GABRG3: variants seen among roughly 807,000 people sequenced by gnomAD.
The protein encoded by GABRG3 is gamma-aminobutyric acid type A receptor subunit gamma3.
Under a neutral mutation model 48.8 loss-of-function variants are expected in GABRG3, and 25 were observed. The observed-to-expected ratio is 0.51, with a 90% CI of 0.37 to 0.72. GABRG3 has a LOEUF of 0.72. Among genes scored for constraint, GABRG3 ranks in the 30% least tolerant of loss-of-function variants. GABRG3 has a pLI of 0.00. For synonymous variants in GABRG3, 227 were observed against 217.6 expected, an observed-to-expected ratio of 1.04 and a Z score of -0.38; for missense variants, 394 against 577.9, an observed-to-expected ratio of 0.68 and a Z score of 3.26.
At chr15:26,997,443 T>C (rs1199974376) in intron 2 of GABRG3, among the ~76,000 whole-genome samples, 1 of 152,188 alleles carries the variant, frequency 6.6e-6, no homozygotes, top group Non-Finnish European at 1.5e-5. Context: ...TGAAAAAATA[T>C]ATAACAACTC....
chr15:27,146,434 G>A (rs1234502061), intron 3 of GABRG3, among the ~76,000 whole-genome samples: 7 of 152,278 alleles, frequency 4.6e-5, no homozygotes, highest in Admixed American at 2.6e-4. Flanking sequence ...TCCAGCCTGC[G>A]TGACACGGTG....
chr15:27,381,422 G>GGGGACTCCCCCAAGAC (rs1269451724), intron 5 of GABRG3, among the ~76,000 whole-genome samples: 12 of 152,272 alleles, frequency 7.9e-5, no homozygotes, highest in African/African-American at 2.6e-4. Context: ...ATGAAAGTAG[G>GGGGACTCCCCCAAGAC]GGGACTCCCC....
At chr15:27,123,973 G>A (rs776830282) in intron 3 of GABRG3, among the ~76,000 whole-genome samples, 3 of 152,276 alleles carry the variant, frequency 2.0e-5, no homozygotes, top group Non-Finnish European at 4.4e-5. Flanking sequence ...CCAGGCGGCC[G>A]GAGCCTTCCC....
chr15:27,325,619 T>C (rs1337366296), intron 3 of GABRG3, among the ~76,000 whole-genome samples: 12 of 152,186 alleles, frequency 7.9e-5, no homozygotes. Context: ...CCAACCTATT[T>C]ATTTAAGGCC....
intron 3 of GABRG3, among the ~76,000 whole-genome samples, chr15:27,271,357 C>T (rs915387717): frequency 1.4e-4 from 22 of 152,320 alleles, no homozygotes; most frequent in African/African-American, 3.8e-4. Flanking sequence ...CGCTGCCACC[C>T]GCACTCTGTC....
chr15:27,403,914 C>CAAAAAAAAAAAAAAAAAAAAAA (rs528760544), intron 5 of GABRG3, among the ~76,000 whole-genome samples: 1 of 68,554 alleles, frequency 1.5e-5, no homozygotes, highest in African/African-American at 5.7e-5. Context: ...CAAAAAAAAA[C>CAAAAAAAAAAAAAAAAAAAAAA]AAAAAAAAAA....
chr15:27,492,034 A>T (rs1002799715), intron 6 of GABRG3, among the ~76,000 whole-genome samples: 1 of 152,162 alleles, frequency 6.6e-6, no homozygotes, highest in Non-Finnish European at 1.5e-5. Context: ...GGTCTTTCAT[A>T]CCAAAAGCCT....
At chr15:27,488,416 G>A (rs980549223) in intron 6 of GABRG3, among the ~76,000 whole-genome samples, 2 of 152,140 alleles carry the variant, frequency 1.3e-5, no homozygotes, top group African/African-American at 4.8e-5. Flanking sequence ...TTAAATTCCA[G>A]GCCTGCACTC....
At chr15:27,334,771 A>G (rs1893909746) in intron 5 of GABRG3, among the ~76,000 whole-genome samples, 1 of 152,220 alleles carries the variant, frequency 6.6e-6, no homozygotes, top group South Asian at 2.1e-4. Flanking sequence ...AAGTCAACAT[A>G]AAAACACAAT....
At chr15:27,413,653 T>C (rs546258969) in intron 5 of GABRG3, among the ~76,000 whole-genome samples, 68 of 152,292 alleles carry the variant, frequency 4.5e-4, no homozygotes, top group Non-Finnish European at 8.4e-4. Flanking sequence ...TAAGTTGTGG[T>C]TGATTTTAAG....
intron 5 of GABRG3, among the ~76,000 whole-genome samples, chr15:27,470,684 A>G (rs1165019716): frequency 6.6e-6 from 1 of 151,872 alleles, no homozygotes; most frequent in African/African-American, 2.4e-5. Context: ...TTTTCCTGTT[A>G]CATATTAACT....
intron 3 of GABRG3, among the ~76,000 whole-genome samples, chr15:27,064,798 G>C (rs1896709940): frequency 6.6e-6 from 1 of 152,176 alleles, no homozygotes; most frequent in African/African-American, 2.4e-5. Flanking sequence ...CATCCCGTGT[G>C]TTAGCAATAC....
chr15:27,005,347 C>A (rs997919814), intron 2 of GABRG3, among the ~76,000 whole-genome samples: 1 of 152,102 alleles, frequency 6.6e-6, no homozygotes, highest in African/African-American at 2.4e-5. Flanking sequence ...ACTACAGGAG[C>A]AGGCCACCAC....
At chr15:27,298,247 GAAAGT>G (rs1012554484) in intron 3 of GABRG3, among the ~76,000 whole-genome samples, 19 of 152,188 alleles carry the variant, frequency 1.2e-4, no homozygotes, top group African/African-American at 4.1e-4. Context: ...AATCTAGGCT[GAAAGT>G]AAAGGATGAA....
chr15:27,421,852 T>C (rs1403709012), intron 5 of GABRG3, among the ~76,000 whole-genome samples: 3 of 151,590 alleles, frequency 2.0e-5, no homozygotes, highest in Admixed American at 6.6e-5. Context: ...TACTGAGTGT[T>C]CTAAGATATC....
intron 3 of GABRG3, among the ~76,000 whole-genome samples, chr15:27,313,262 G>GTATATATATATATATA (rs1169926074): frequency 1.2e-4 from 4 of 34,562 alleles, no homozygotes; most frequent in East Asian, 1.1e-3. Flanking sequence ...GTGTGTGTGT[G>GTATATATATATATATA]TATATATATA....
chr15:27,287,175 T>C (rs955341972), intron 3 of GABRG3, among the ~76,000 whole-genome samples: 1 of 152,182 alleles, frequency 6.6e-6, no homozygotes, highest in East Asian at 1.9e-4. Context: ...ATTTTCTGTG[T>C]ATATTTTGCA....
chr15:27,217,749 C>G (rs1889310126), intron 3 of GABRG3, among the ~76,000 whole-genome samples: 2 of 152,226 alleles, frequency 1.3e-5, no homozygotes, highest in Admixed American at 1.3e-4. Context: ...CTACTCTCAA[C>G]ATAGGCACAC....
intron 6 of GABRG3, among the ~76,000 whole-genome samples, chr15:27,508,871 A>G (rs558962221): frequency 1.3e-5 from 2 of 151,872 alleles, no homozygotes; most frequent in South Asian, 4.2e-4. Flanking sequence ...CCACCACCAC[A>G]CCCAGCTAAT....
Sources: allele counts gnomAD v4.1 joint callset (sites outside exome capture counted in the v4.1 genomes callset), GRCh38; gene constraint gnomAD v4.1.1; transcripts MANE v1.5; gene names NCBI Gene and HGNC (gene_info 2026-07-23, HGNC 2026-07-21).